CPAMD8: variants seen among roughly 807,000 people sequenced by gnomAD.
CPAMD8 encodes the protein C3 and PZP-like alpha-2-macroglobulin domain-containing protein 8.
In CPAMD8, 146 loss-of-function variants were observed where a neutral mutation model predicts 224.7. The ratio of observed to expected loss-of-function variants is 0.65; its 90% CI spans 0.57 to 0.75. CPAMD8 has a LOEUF of 0.75. CPAMD8 is among the 30% of genes least tolerant of loss of function. The pLI, the probability that CPAMD8 is intolerant of heterozygous loss-of-function variation, is 0.00. For missense variants in CPAMD8, 2,301 were observed against 2,537.5 expected (o/e 0.91, Z 2.00); for synonymous variants, 966 against 1,044.6 (o/e 0.92, Z 1.45).
chr19:16,913,731 G>A (rs1049817237), intron 29 of CPAMD8, among the ~76,000 whole-genome samples: 2 of 152,134 alleles, frequency 1.3e-5, no homozygotes, highest in Non-Finnish European at 2.9e-5. Context: ...CATGGTGGGG[G>A]CGGTCTTAGG....
At position 17,020,335 on chromosome 19, in the gene CPAMD8, A is replaced by G. The variant is rs1353068876; in HGVS notation, c.263T>C (p.Leu88Pro). The G allele has an allele frequency of 6.3e-7, 1 of 1,588,116 alleles. No homozygotes were observed. The highest frequency in any genetic ancestry group is 1.1e-5 in the South Asian group (1 of 90,360). Residue 88 changes from leucine (L) to proline (P), a missense_variant, in exon 3 of 42, where the codon CTC (leucine) becomes CCC (proline). By Grantham distance (98) the Leu-to-Pro change is moderately conservative. Transcript: ENST00000443236. ...GAILDKGTIK[L>P]KVPTGLRGQA... ...TTTTAAAAATCAACGGCTTACCTTG[A>G]GTTTGATTGTCCCTTTATCTAAAAA...
chr19:16,972,455 C>A (rs142856432), intron 17 of CPAMD8, among the ~76,000 whole-genome samples: 1 of 151,558 alleles, frequency 6.6e-6, no homozygotes, highest in Non-Finnish European at 1.5e-5. Context: ...TTTTTTTAGA[C>A]GGAGTCTCAC....
In CPAMD8 at chr19:16,967,892, T is replaced by TGTGTATATATGTGCATATATACACACAC. The variant is rs2054897948; in HGVS notation, c.2213+2998_2213+2999insGTGTGTGTATATATGCACATATATACAC. ...ATATATGTGCATATATACACACACA[T>TGTGTATATATGTGCATATATACACACAC]GTGTGTGTATATATGTGCATATATA... On this transcript the variant is annotated intron_variant, in intron 18 of 41. Transcript: ENST00000443236. Among the ~76,000 whole-genome samples the TGTGTATATATGTGCATATATACACACAC allele has an allele frequency of 1.4e-4, 7 of 49,510 alleles. 2 individuals carry two copies. Among genetic ancestry groups the TGTGTATATATGTGCATATATACACACAC allele is most frequent in the African/African-American group, 5.4e-4 (4 of 7,458 alleles). 32.5% of individuals were successfully genotyped at this position (49,510 alleles called of 152,430 possible). A position where few individuals can be genotyped will look rare whatever the true frequency, so the allele number is the denominator to read the frequency against.
rs1167170870 is a variant in CPAMD8 at position 17,001,315 on chromosome 19, C to T, written c.759-793G>A. Among the ~76,000 whole-genome samples the T allele has an allele frequency of 5.2e-5, 6 of 114,780 alleles. No homozygotes were observed. In the East Asian group the frequency reaches 7.2e-4, roughly 14 times the overall value. 75.3% of individuals were successfully genotyped at this position (114,780 alleles called of 152,430 possible). A position where few individuals can be genotyped will look rare whatever the true frequency, so the allele number is the denominator to read the frequency against. ...CAGCCTGGGCGACAGAGTAAGACTC[C>T]GTCTGAAAAAAAAAAAAAAAAAAAA... On this transcript the variant is annotated intron_variant, in intron 9 of 41. Transcript: ENST00000443236.
At chr19:16,904,172 A>G in intron 32 of CPAMD8, 54 bp downstream of exon 32, 1 of 1,243,000 alleles carries the variant, frequency 8.0e-7, no homozygotes, top group Non-Finnish European at 1.1e-6. Context: ...CAAGGACTGC[A>G]GGGACCCCAC....
intron 20 of CPAMD8, among the ~76,000 whole-genome samples, chr19:16,949,768 C>T (rs149895902): frequency 8.5e-4 from 130 of 152,290 alleles, no homozygotes; most frequent in African/African-American, 2.6e-3. Context: ...TCCCTCTTTG[C>T]GAATGCCCTT....
chr19:17,006,247 C>G (rs1460402043), intron 7 of CPAMD8, among the ~76,000 whole-genome samples: 1 of 152,174 alleles, frequency 6.6e-6, no homozygotes, highest in Admixed American at 6.6e-5. Context: ...CAGGTGTGAG[C>G]CACCAAGCCA....
chr19:16,894,015 A>G (rs1256162725), intron 41 of CPAMD8: 1 of 171,384 alleles, frequency 5.8e-6, no homozygotes, highest in Non-Finnish European at 1.3e-5. Flanking sequence ...GTTTGCTCAG[A>G]AAGAGGCTTT....
At chr19:16,944,285 A>C (rs995333235) in intron 22 of CPAMD8, among the ~76,000 whole-genome samples, 1 of 152,124 alleles carries the variant, frequency 6.6e-6, no homozygotes, top group Non-Finnish European at 1.5e-5. Flanking sequence ...TTGTAGCTTC[A>C]TCTTTTGCAT....
Position 16,897,676 on chromosome 19 carries a change from G to T in CPAMD8, c.5065+15C>A, listed in dbSNP as rs1323514538. On this transcript the variant is annotated intron_variant, in intron 39 of 41. Transcript: ENST00000443236. ...CAGGCCGCGGTGGGGGGCGGCAGTG[G>T]CTCCGCGCACTCACCCGGGCCCCGG... The T allele has an allele frequency of 9.8e-6, 14 of 1,422,176 alleles. No homozygotes were observed. Among genetic ancestry groups the T allele is most frequent in the Non-Finnish European group, 1.3e-5 (14 of 1,053,114 alleles). The allele number at this position is 1,422,176 out of a possible 1,614,324, so 88.1% of individuals were successfully genotyped here. A position where few individuals can be genotyped will look rare whatever the true frequency, so the allele number is the denominator to read the frequency against.
Position 16,947,204 on chromosome 19 carries a change from G to C in CPAMD8, c.2532C>G (p.Pro844=), listed in dbSNP as rs933145785. The C allele has an allele frequency of 3.7e-6, 6 of 1,613,206 alleles. No individual in the cohort carries two copies. In the African/African-American group the frequency reaches 8.0e-5, roughly 22 times the overall value. ...GATGCCCAACAAACTGGATGCCCTT[G>C]GGAACCGAGAGCTTCATGTACACCT... The part of the protein sequence containing the change: ...CAEVYMKLSV[P]KGIQFVGHPG... The change falls in exon 21 of 42, where the codon CCC becomes CCG. Residue 844 remains proline (P), a synonymous_variant. Transcript: ENST00000443236.
At position 16,938,445 on chromosome 19, in the gene CPAMD8, G is replaced by A. The variant is rs539938043; in HGVS notation, c.2795C>T (p.Ala932Val). 3.3e-5 allele frequency: 52 copies of A among 1,573,490 alleles called. No homozygotes were observed. The Middle Eastern group carries it at 6.7e-4, about 20-fold the overall frequency. ...GGTGTACGCCCGGGGGACTCCTTCC[G>A]CCTGAAACAAAGAAACAAGGAGAAC... ...DHVRRSVMVE[A>V]EGVPRAYTYS... The change falls in exon 23 of 42, where the codon GCG becomes GTG. Residue 932 changes from alanine to valine, a missense_variant and splice_region_variant. Physicochemically the swap from Ala to Val is moderately conservative, Grantham distance 64 (BLOSUM62 0). Coordinates refer to ENST00000443236, the MANE Select transcript of CPAMD8 (RefSeq NM_015692.5).
chr19:17,011,430 A>G (rs1379567077), intron 5 of CPAMD8, 34 bp downstream of exon 5: 1 of 1,613,766 alleles, frequency 6.2e-7, no homozygotes, highest in East Asian at 2.2e-5. Flanking sequence ...AAGTGGGTGC[A>G]CTCCGGGCCC....
At chr19:17,020,208 A>G in intron 3 of CPAMD8, 123 bp downstream of exon 3, 2 of 736,266 alleles carry the variant, frequency 2.7e-6, no homozygotes. Context: ...TCCTGACCTC[A>G]GGTGATCCAC....
intron 27 of CPAMD8, among the ~76,000 whole-genome samples, chr19:16,918,287 G>C (rs960708956): frequency 1.3e-5 from 2 of 152,134 alleles, no homozygotes; most frequent in Non-Finnish European, 2.9e-5. Context: ...GAGCCACAGC[G>C]CCCGGCCCCT....
At chr19:16,953,652 CAAAAAA>C (rs60937762) in intron 19 of CPAMD8, among the ~76,000 whole-genome samples, 3 of 94,364 alleles carry the variant, frequency 3.2e-5, no homozygotes, top group African/African-American at 1.0e-4. Context: ...GACCTTGTCT[CAAAAAA>C]AAAAAAAAAA....
At chr19:16,996,271 G>A (rs1011907292) in intron 11 of CPAMD8, among the ~76,000 whole-genome samples, 16 of 152,250 alleles carry the variant, frequency 1.1e-4, no homozygotes, top group African/African-American at 2.4e-4. Flanking sequence ...CCAGGATGTC[G>A]AGGCTGTGGT....
intron 32 of CPAMD8, 50 bp downstream of exon 32, chr19:16,904,176 A>AGCCCCCCCCCCCCCC: frequency 4.3e-6 from 4 of 937,338 alleles, no homozygotes; most frequent in East Asian, 2.6e-5. Context: ...GACTGCAGGG[A>AGCCCCCCCCCCCCCC]CCCCACCCAC....
chr19:16,986,698 G>A (rs964297363), intron 13 of CPAMD8, among the ~76,000 whole-genome samples: 14 of 152,042 alleles, frequency 9.2e-5, no homozygotes, highest in South Asian at 2.1e-4. Context: ...GGCCCTGGGC[G>A]CTGTGATGGC....
Sources: gnomAD v4.1 joint callset for allele counts (sites outside exome capture counted in the v4.1 genomes callset) on GRCh38, gnomAD v4.1.1 for gene constraint, MANE v1.5 for transcripts, NCBI Gene and HGNC (gene_info 2026-07-23, HGNC 2026-07-21) for gene names.